Variants in KATNAL2 observed in about 807,000 individuals in gnomAD.
KATNAL2 encodes the protein katanin p60 ATPase-containing subunit A-like 2.
A neutral mutation model predicts 76.3 loss-of-function variants in KATNAL2; 52 were observed. That is an observed-to-expected ratio of 0.68 (90% CI 0.55 to 0.86). The LOEUF (loss-of-function observed/expected upper bound fraction) is 0.86. Among genes scored for constraint, KATNAL2 ranks in the 40% least tolerant of loss-of-function variants. The pLI, the probability that KATNAL2 is intolerant of heterozygous loss-of-function variation, is 0.00. For missense variants in KATNAL2, 660 were observed against 668.9 expected, an observed-to-expected ratio of 0.99 and a Z score of 0.15; for synonymous variants, 243 against 244.2, an observed-to-expected ratio of 1.00 and a Z score of 0.05.
intron 15 of KATNAL2, among the ~76,000 whole-genome samples, chr18:47,083,789 T>G (rs1568012312): frequency 6.6e-6 from 1 of 152,192 alleles, no homozygotes. Flanking sequence ...ATTCACAAAC[T>G]CAAGCCTAAG....
intron 15 of KATNAL2, among the ~76,000 whole-genome samples, chr18:47,085,769 CTCTT>C (rs1009156205): frequency 6.6e-6 from 1 of 151,682 alleles, no homozygotes; most frequent in Non-Finnish European, 1.5e-5. Flanking sequence ...GTTTATTCAA[CTCTT>C]TTTTTATTGC....
chr18:47,048,377 A>T (rs2061230613), intron 4 of KATNAL2, among the ~76,000 whole-genome samples: 1 of 152,170 alleles, frequency 6.6e-6, no homozygotes, highest in Non-Finnish European at 1.5e-5. Flanking sequence ...GAGGCAGTTG[A>T]CAACGAACTG....
At chr18:47,032,358 C>T (rs1040745341) in intron 3 of KATNAL2, among the ~76,000 whole-genome samples, 1 of 152,176 alleles carries the variant, frequency 6.6e-6, no homozygotes, top group Non-Finnish European at 1.5e-5. Context: ...GCAATCCTGC[C>T]ACCTCAGCCC....
rs907865369 is a variant in KATNAL2, at chr18:47,084,876, G to T, written c.1211+7415G>T. ...AAAAAAAAAAAAAAAAAAAAAAAAA[G>T]CCTGCCTCTGGACTCTTGTACTCAC... On this transcript the variant is annotated intron_variant, in intron 15 of 17. Coordinates refer to ENST00000683218, the MANE Select transcript of KATNAL2 (RefSeq NM_001387690.1). Among the ~76,000 whole-genome samples, 86 of 37,310 alleles carry T rather than the reference G, an allele frequency of 2.3e-3. 1 individual carries two copies. The South Asian group carries it at 0.06, about 26-fold the overall frequency. 24.5% of individuals were successfully genotyped at this position (37,310 alleles called of 152,430 possible).
At chr18:47,055,445 C>G (rs1034656715) in intron 6 of KATNAL2, among the ~76,000 whole-genome samples, 1 of 152,186 alleles carries the variant, frequency 6.6e-6, no homozygotes. Flanking sequence ...GACTCCAGTT[C>G]CCTTGTTCCA....
chr18:47,092,504 A>C (rs2063045356), intron 15 of KATNAL2, among the ~76,000 whole-genome samples: 3 of 150,960 alleles, frequency 2.0e-5, no homozygotes, highest in Non-Finnish European at 3.0e-5. Context: ...CTCCGTCTCA[A>C]AAAAAAAAAT....
Position 46,917,798 on chromosome 18 carries a change from G to A in KATNAL2, c.-638G>A. The A allele has an allele frequency of 6.4e-6, 1 of 155,094 alleles. No individual in the cohort carries two copies. Among genetic ancestry groups the A allele is most frequent in the Non-Finnish European group, 1.4e-5 (1 of 70,496 alleles). 9.6% of individuals were successfully genotyped at this position (155,094 alleles called of 1,614,324 possible). On this transcript the variant is annotated 5_prime_UTR_variant, in exon 1 of 18. Coordinates refer to ENST00000683218, the MANE Select transcript of KATNAL2 (RefSeq NM_001387690.1). Reference sequence around the variant, plus strand: ...GGGAGGAAGAAGAGGCGGCCGGGACGCGTGACAGGAGCATTCGGGAAGATT... The same window carrying A: ...GGGAGGAAGAAGAGGCGGCCGGGACACGTGACAGGAGCATTCGGGAAGATT...
In KATNAL2 at chr18:47,100,939, C is replaced by T. The variant is rs200936730; in HGVS notation, c.1551C>T (p.Thr517=). 5.3e-5 allele frequency: 86 copies of T among 1,614,072 alleles called. 1 individual carries two copies. Among genetic ancestry groups the T allele is most frequent in the Admixed American group, 1.7e-5 (1 of 60,024 alleles). ...TADFLDVLTH[T]KPSAKNLAQR... The stretch of plus-strand genomic sequence containing the variant: ...ACTTTCTGGATGTGCTAACTCACAC[C>T]AAGCCCTCCGCAAAGAATCTGGCTC... Residue 517 remains threonine, a synonymous_variant, in exon 18 of 18, where the codon ACC becomes ACT. Transcript: ENST00000683218.
In KATNAL2 at chr18:47,069,614, A is replaced by C; in HGVS notation, c.1008+14A>C. The C allele has an allele frequency of 6.4e-7, 1 of 1,562,536 alleles. No individual in the cohort carries two copies. On this transcript the variant is annotated intron_variant, in intron 13 of 17. Coordinates refer to ENST00000683218, the MANE Select transcript of KATNAL2 (RefSeq NM_001387690.1). ...AAACTCGTTCGGGTAGGAATTCTTA[A>C]TTTTGTTTTTAAAAATAAGTTCTAG...
chr18:47,041,825 A>G (rs1488728377), intron 3 of KATNAL2, among the ~76,000 whole-genome samples: 2 of 152,218 alleles, frequency 1.3e-5, no homozygotes, highest in African/African-American at 4.8e-5. Context: ...ACTGTTTTGC[A>G]TCCCACCAGC....
chr18:47,047,658 C>T (rs898916037), intron 4 of KATNAL2, among the ~76,000 whole-genome samples: 1 of 152,074 alleles, frequency 6.6e-6, no homozygotes, highest in Non-Finnish European at 1.5e-5. Context: ...TTTATATTCG[C>T]TTTTCTTTTC....
intron 3 of KATNAL2, chr18:47,034,036 T>G: frequency 3.1e-6 from 5 of 1,614,194 alleles, no homozygotes; most frequent in Non-Finnish European, 4.2e-6. Flanking sequence ...TTTCCTTTGT[T>G]TATCTCCAAG....
intron 3 of KATNAL2, among the ~76,000 whole-genome samples, chr18:46,952,890 C>CTTTTTT (rs35782374): frequency 6.4e-5 from 6 of 93,048 alleles, no homozygotes; most frequent in African/African-American, 1.7e-4. Flanking sequence ...TTCCTTCCTT[C>CTTTTTT]TTTTTTTTTT....
At chr18:47,100,814 T>C in intron 17 of KATNAL2, 52 bp from the exon 18 acceptor site, 1 of 1,606,768 alleles carries the variant, frequency 6.2e-7, no homozygotes, top group Non-Finnish European at 8.5e-7. Flanking sequence ...TCAAGAGCAT[T>C]GATCACCAAG....
intron 4 of KATNAL2, among the ~76,000 whole-genome samples, chr18:47,047,411 T>A (rs2061195131): frequency 6.6e-6 from 1 of 152,114 alleles, no homozygotes; most frequent in African/African-American, 2.4e-5. Context: ...CTTAATCAGT[T>A]TTTCTTTCCT....
At chr18:47,068,810 C>A (rs1431563843) in intron 11 of KATNAL2, among the ~76,000 whole-genome samples, 2 of 152,152 alleles carry the variant, frequency 1.3e-5, no homozygotes, top group African/African-American at 2.4e-5. Context: ...TCGAATAAAC[C>A]TTTACTAATT....
intron 15 of KATNAL2, among the ~76,000 whole-genome samples, chr18:47,081,061 T>A (rs992629729): frequency 1.3e-5 from 2 of 151,142 alleles, no homozygotes; most frequent in African/African-American, 4.9e-5. Flanking sequence ...TCCCTCTTCT[T>A]TCTTTCCCGC....
Position 46,946,374 on chromosome 18 carries a change from G to C in KATNAL2, c.-192G>C. 2 of 1,025,746 alleles carry C rather than the reference G, an allele frequency of 1.9e-6. No homozygotes were observed. Among genetic ancestry groups the C allele is most frequent in the Non-Finnish European group, 2.3e-6 (2 of 852,644 alleles). 63.5% of individuals were successfully genotyped at this position (1,025,746 alleles called of 1,614,324 possible). A position where few individuals can be genotyped will look rare whatever the true frequency, so the allele number is the denominator to read the frequency against. ...CAACCAAAGTGTCCACAGCAGATTC[G>C]TCCAGTCTAGATAGACCATGCACAG... On this transcript the variant is annotated 5_prime_UTR_variant, in exon 2 of 18. Transcript: ENST00000683218.
intron 3 of KATNAL2, among the ~76,000 whole-genome samples, chr18:46,955,142 C>CTCTTTCTTTCTTTCTTTCTTTCTT (rs1438660178): frequency 1.9e-5 from 1 of 53,610 alleles, no homozygotes; most frequent in Non-Finnish European, 4.0e-5. Context: ...TTCTCTCTCT[C>CTCTTTCTTTCTTTCTTTCTTTCTT]TTTCTTTCTT....
Sources: allele counts gnomAD v4.1 joint callset (sites outside exome capture counted in the v4.1 genomes callset), GRCh38; gene constraint gnomAD v4.1.1; transcripts MANE v1.5; gene names NCBI Gene and HGNC (gene_info 2026-07-23, HGNC 2026-07-21).